The following ATG4C variants were observed in gnomAD, a reference collection of about 807,000 sequenced individuals.
ATG4C encodes autophagy related 4C cysteine peptidase, also known as cysteine protease ATG4C.
A neutral mutation model predicts 57.6 loss-of-function variants in ATG4C; 56 were observed. The ratio of observed to expected loss-of-function variants is 0.97; its 90% confidence interval spans 0.78 to 1.21. ATG4C has a LOEUF of 1.21. ATG4C is among the 50% of genes most tolerant of loss of function. ATG4C has a pLI of 0.00. For missense variants in ATG4C, 595 were observed against 529.8 expected, an observed-to-expected ratio of 1.12 and a Z score of -1.21; for synonymous variants, 157 against 174.1, an observed-to-expected ratio of 0.90 and a Z score of 0.78.
chr1:62,828,983 A>G, intron 6 of ATG4C, 57 bp from the exon 7 acceptor site: 1 of 1,493,002 alleles, frequency 6.7e-7, no homozygotes, highest in South Asian at 1.3e-5. Context: ...GGGTAAAAAT[A>G]TTTCTGAAAA....
Position 62,841,410 on chromosome 1 carries a change from G to T in ATG4C, c.1090-18G>T, listed in dbSNP as rs752958553. On this transcript the variant is annotated intron_variant, in intron 9 of 10. Transcript: ENST00000317868. ...CTATCAAAGATAAATTAATCCTAAA[G>T]AACTTTAAAAATTACAGACATTCCA... The T allele has an allele frequency of 3.1e-6, 5 of 1,588,384 alleles. No individual in the cohort carries two copies. In the Admixed American group the frequency reaches 5.4e-5, roughly 17 times the overall value.
At chr1:62,861,246 T>C (rs1217312944) in intron 10 of ATG4C, among the ~76,000 whole-genome samples, 1 of 152,106 alleles carries the variant, frequency 6.6e-6, no homozygotes, top group Non-Finnish European at 1.5e-5. Flanking sequence ...AATTACATGT[T>C]AGAAAGTTCG....
At chr1:62,786,132 G>T (rs1557951942) in intron 1 of ATG4C, among the ~76,000 whole-genome samples, 1 of 152,194 alleles carries the variant, frequency 6.6e-6, no homozygotes, top group Non-Finnish European at 1.5e-5. Context: ...GAAGCTTGAA[G>T]AATTTAAGGA....
chr1:62,836,344 T>A (rs10889385), intron 9 of ATG4C, among the ~76,000 whole-genome samples: 69,178 of 151,920 alleles, frequency 0.46, 15,876 homozygotes, highest in East Asian at 0.66. Flanking sequence ...ACATTTCTTA[T>A]ATAGTGGGAC....
intron 5 of ATG4C, among the ~76,000 whole-genome samples, chr1:62,820,653 A>AT (rs1665452563): frequency 6.6e-6 from 1 of 152,052 alleles, no homozygotes; most frequent in Non-Finnish European, 1.5e-5. Context: ...AAGACTTGAA[A>AT]TTAGGAAATT....
intron 1 of ATG4C, among the ~76,000 whole-genome samples, chr1:62,801,368 G>T (rs961068483): frequency 1.3e-5 from 2 of 152,166 alleles, no homozygotes; most frequent in Non-Finnish European, 1.5e-5. Context: ...TTGACATCCC[G>T]AGAATATATC....
intron 10 of ATG4C, among the ~76,000 whole-genome samples, chr1:62,848,200 A>C (rs1666387549): frequency 6.6e-6 from 1 of 152,160 alleles, no homozygotes; most frequent in African/African-American, 2.4e-5. Context: ...AGTTACATAC[A>C]AACTTAGGAC....
intron 3 of ATG4C, among the ~76,000 whole-genome samples, chr1:62,814,576 C>T (rs1444603784): frequency 1.3e-5 from 2 of 152,098 alleles, no homozygotes; most frequent in Non-Finnish European, 2.9e-5. Context: ...ACATTTATTC[C>T]TGAACTTAAA....
chr1:62,821,866 A>T (rs1665493716), intron 6 of ATG4C, among the ~76,000 whole-genome samples: 1 of 152,118 alleles, frequency 6.6e-6, no homozygotes, highest in African/African-American at 2.4e-5. Context: ...AGGAAATATC[A>T]TACACTATTT....
At chr1:62,837,277 G>A (rs1666027528) in intron 9 of ATG4C, among the ~76,000 whole-genome samples, 1 of 152,164 alleles carries the variant, frequency 6.6e-6, no homozygotes, top group Non-Finnish European at 1.5e-5. Flanking sequence ...ATTGTGAAGT[G>A]AACATCAGCA....
At chr1:62,839,748 G>A (rs1666109981) in intron 9 of ATG4C, among the ~76,000 whole-genome samples, 2 of 152,164 alleles carry the variant, frequency 1.3e-5, no homozygotes. Flanking sequence ...GTATTGACTA[G>A]TGCCATGGAG....
At chr1:62,819,439 CTG>C (rs1277795485) in intron 5 of ATG4C, 104 bp downstream of exon 5, 1 of 901,020 alleles carries the variant, frequency 1.1e-6, no homozygotes, top group East Asian at 2.9e-5. Flanking sequence ...AAAAGTCTAA[CTG>C]TATGAGAATG....
intron 10 of ATG4C, among the ~76,000 whole-genome samples, chr1:62,847,673 C>T (rs1167773161): frequency 6.6e-6 from 1 of 152,070 alleles, no homozygotes; most frequent in Non-Finnish European, 1.5e-5. Context: ...TGCTTTAAGA[C>T]TCTTGGAAGC....
chr1:62,846,817 C>A (rs1003044076), intron 10 of ATG4C, among the ~76,000 whole-genome samples: 1 of 152,188 alleles, frequency 6.6e-6, no homozygotes, highest in Non-Finnish European at 1.5e-5. Flanking sequence ...TATGTAGTTT[C>A]CAAGCCTCAC....
chr1:62,838,337 C>G (rs1317761952), intron 9 of ATG4C, among the ~76,000 whole-genome samples: 2 of 152,124 alleles, frequency 1.3e-5, no homozygotes, highest in Non-Finnish European at 2.9e-5. Context: ...TAAAAAAAAT[C>G]TTAAGTGCAT....
At chr1:62,855,455 A>C (rs1666654002) in intron 10 of ATG4C, among the ~76,000 whole-genome samples, 1 of 152,190 alleles carries the variant, frequency 6.6e-6, no homozygotes, top group Non-Finnish European at 1.5e-5. Flanking sequence ...CTTATTACCT[A>C]GTAGCGCTGG....
intron 1 of ATG4C, among the ~76,000 whole-genome samples, chr1:62,788,228 C>T (rs1664151986): frequency 6.6e-6 from 1 of 152,126 alleles, no homozygotes; most frequent in African/African-American, 2.4e-5. Context: ...TTTATGAAGT[C>T]TGATCAGCTG....
rs1664821223 is a variant in ATG4C at position 62,805,258 on chromosome 1, A to T, written c.160+3A>T. 1.3e-6 allele frequency: 2 copies of T among 1,508,368 alleles called. No homozygotes were observed. The highest frequency in any genetic ancestry group is 1.8e-6 in the Non-Finnish European group (2 of 1,140,040). The allele number at this position is 1,508,368 out of a possible 1,614,324, so 93.4% of individuals were successfully genotyped here. A position where few individuals can be genotyped will look rare whatever the true frequency, so the allele number is the denominator to read the frequency against. On this transcript the variant is annotated splice_donor_region_variant and intron_variant, in intron 3 of 10. Transcript: ENST00000317868. Reference sequence around the variant, plus strand: ...ATGTTACCATTTTAAATATGAAGGTAAGTACAAAATTTGTAAACCATTTAA... The same window carrying T: ...ATGTTACCATTTTAAATATGAAGGTTAGTACAAAATTTGTAAACCATTTAA...
rs2100376033 is a variant in ATG4C at position 62,865,487 on chromosome 1, G to C, written c.*1328G>C. 1 of 151,992 alleles carries C rather than the reference G, an allele frequency of 6.6e-6. No homozygotes were observed. Among genetic ancestry groups the C allele is most frequent in the South Asian group, 2.1e-4 (1 of 4,826 alleles). 9.4% of individuals were successfully genotyped at this position (151,992 alleles called of 1,614,324 possible). The stretch of plus-strand genomic sequence containing the variant: ...CATTTCTCAGTGAAGATTACTTACT[G>C]AGTTGAAATAAATAGTCTGAAATCT... On this transcript the variant is annotated 3_prime_UTR_variant, in exon 11 of 11. Coordinates refer to ENST00000317868, the MANE Select transcript of ATG4C (RefSeq NM_032852.4).
Sources: allele counts gnomAD v4.1 joint callset (sites outside exome capture counted in the v4.1 genomes callset), GRCh38; gene constraint gnomAD v4.1.1; transcripts MANE v1.5; gene names NCBI Gene and HGNC (gene_info 2026-07-23, HGNC 2026-07-21).